The following TUBA3C variants were observed in gnomAD, a reference collection of about 807,000 sequenced individuals.
The protein encoded by TUBA3C is tubulin alpha 3c, also known as tubulin alpha-3C chain.
Under a neutral mutation model 33.4 loss-of-function variants are expected in TUBA3C, and 23 were observed. The observed-to-expected ratio is 0.69, with a 90% CI of 0.50 to 0.98. The LOEUF is 0.98. Ranked by LOEUF, TUBA3C falls within the 50% of genes least tolerant of loss-of-function variation. The probability of loss-of-function intolerance (pLI) is 0.00; values close to 1 mark genes in which losing one functional copy is unlikely to be tolerated. For missense variants in TUBA3C, 402 were observed against 616.0 expected (o/e 0.65, Z 3.68); for synonymous variants, 269 against 250.4 (o/e 1.07, Z -0.70).
intron 4 of TUBA3C, among the ~76,000 whole-genome samples, chr13:19,175,359 C>T (rs919033368): frequency 1.1e-4 from 16 of 152,202 alleles, no homozygotes; most frequent in African/African-American, 3.9e-4. Context: ...AAATCTGTCC[C>T]CACCTTCCAC....
rs199790755 is a variant in TUBA3C at position 19,178,407 on chromosome 13, C to T, written c.227-13G>A. The T allele has an allele frequency of 9.0e-5, 145 of 1,613,840 alleles. No homozygotes were observed. In the Middle Eastern group the frequency reaches 1.8e-3, roughly 20 times the overall value. ...GTGCGCACTTCATCTACAAAAGAGACCGTATGTACTGTGAATCTTTAAGGC... is the reference window on the plus strand; with the variant it reads ...GTGCGCACTTCATCTACAAAAGAGATCGTATGTACTGTGAATCTTTAAGGC... On this transcript the variant is annotated splice_polypyrimidine_tract_variant and intron_variant, in intron 2 of 4. Transcript: ENST00000400113.
rs1869251364 is a variant in TUBA3C at position 19,177,736 on chromosome 13, TAC to T, written c.376-131_376-130del. 1.6e-6 allele frequency: 2 copies of T among 1,228,094 alleles called. No individual in the cohort carries two copies. Among genetic ancestry groups the T allele is most frequent in the Admixed American group, 2.9e-5 (1 of 34,664 alleles). The allele number at this position is 1,228,094 out of a possible 1,614,324, so 76.1% of individuals were successfully genotyped here. The stretch of plus-strand genomic sequence containing the variant: ...CCAATCATCCATAATAAACACGCAG[TAC>T]ACTCTGAAGCAAAGAAAAGCAGACA... On this transcript the variant is annotated intron_variant, in intron 3 of 4. Transcript: ENST00000400113. This position sits in a 1 kb window ranked among gnomAD's most constrained non-coding sequence, Gnocchi z 5.0.
chr13:19,177,672 C>A lies in TUBA3C; in HGVS notation c.376-65G>T. 6.6e-7 allele frequency: 1 copy of A among 1,517,072 alleles called. No homozygotes were observed. 94.0% of individuals were successfully genotyped at this position (1,517,072 alleles called of 1,614,324 possible). The stretch of plus-strand genomic sequence containing the variant: ...GCCACACCACCAACCTCCACCAAGC[C>A]AGGGCCACTTCTCTGCCTCTGAAGA... On this transcript the variant is annotated intron_variant, in intron 3 of 4. Transcript: ENST00000400113. The surrounding 1 kb of genome is among the most constrained non-coding windows in gnomAD (Gnocchi z 5.0).
chr13:19,174,054 A>G lies in TUBA3C; in HGVS notation c.1162T>C (p.Trp388Arg), dbSNP rs1869098244. 2 of 1,613,920 alleles carry G rather than the reference A, an allele frequency of 1.2e-6. No homozygotes were observed. The highest frequency in any genetic ancestry group is 2.7e-5 in the African/African-American group (2 of 75,022). ...TCGAACTTATGGTCCAGGCGAGCCC[A>G]GGCCTCCGCGATGGCCGTGGTGTTG... ...LSNTTAIAEA[W>R]ARLDHKFDLM... Residue 388 changes from tryptophan (W) to arginine (R), a missense_variant, in exon 5 of 5, where the codon TGG (tryptophan) becomes CGG (arginine). Trp to Arg is a moderately radical substitution (Grantham distance 101). Transcript: ENST00000400113.
intron 4 of TUBA3C, among the ~76,000 whole-genome samples, chr13:19,175,297 A>C (rs984393994): frequency 1.3e-5 from 2 of 152,168 alleles, no homozygotes; most frequent in African/African-American, 4.8e-5. Context: ...CAACGTCTTT[A>C]TTTCTTTTCC....
intron 1 of TUBA3C, 143 bp from the exon 2 acceptor site, chr13:19,179,706 TG>T: frequency 8.1e-7 from 1 of 1,231,430 alleles, no homozygotes. Flanking sequence ...GAGGGTTAGG[TG>T]ACTGACCCCT....
intron 4 of TUBA3C, among the ~76,000 whole-genome samples, chr13:19,176,303 C>G (rs201946140): frequency 2.6e-5 from 4 of 151,922 alleles, no homozygotes; most frequent in East Asian, 3.9e-4. Context: ...GTGGTCCCAG[C>G]TACTCAGGAG....
Position 19,174,131 on chromosome 13 carries a change from A to T in TUBA3C, c.1085T>A (p.Val362Glu), listed in dbSNP as rs1869102593. The T allele has an allele frequency of 1.2e-6, 2 of 1,613,062 alleles. No individual in the cohort carries two copies. The highest frequency in any genetic ancestry group is 2.7e-5 in the African/African-American group (2 of 74,914). Reference protein sequence around the residue: ...KVGINYQPPTVVPGGDLAKVQ... With the variant: ...KVGINYQPPTEVPGGDLAKVQ... ...CTTGGCCAGGTCTCCCCCAGGGACC[A>T]CCGTGGGGGGCTGGTAGTTAATGCC... Residue 362 changes from valine (V) to glutamate (E), a missense_variant, in exon 5 of 5, where the codon GTG becomes GAG. Transcript: ENST00000400113.
Position 19,177,707 on chromosome 13 carries a change from G to T in TUBA3C, c.376-100C>A. 9 of 1,415,416 alleles carry T rather than the reference G, an allele frequency of 6.4e-6. No homozygotes were observed. Among genetic ancestry groups the T allele is most frequent in the South Asian group, 2.9e-5 (2 of 69,054 alleles). The allele number at this position is 1,415,416 out of a possible 1,614,324, so 87.7% of individuals were successfully genotyped here. On this transcript the variant is annotated intron_variant, in intron 3 of 4. Coordinates refer to ENST00000400113, the MANE Select transcript of TUBA3C (RefSeq NM_006001.3). This position sits in a 1 kb window ranked among gnomAD's most constrained non-coding sequence, Gnocchi z 5.0. ...TCTCTGCCTCTGAAGACTTGATATG[G>T]ATTCCAATCATCCATAATAAACACG...
chr13:19,180,906 C>T (rs1047398207), intron 1 of TUBA3C, among the ~76,000 whole-genome samples: 3 of 148,390 alleles, frequency 2.0e-5, no homozygotes, highest in African/African-American at 7.4e-5. Context: ...TGCAGGGAGC[C>T]GTGATCGTGC....
chr13:19,177,846 GTTTTTTTTTTT>G lies in TUBA3C; in HGVS notation c.376-250_376-240del, dbSNP rs5802006. 1.2e-3 allele frequency among the ~76,000 whole-genome samples: 155 copies of G among 128,542 alleles called. 1 individual carries two copies. Among genetic ancestry groups the G allele is most frequent in the African/African-American group, 4.0e-3 (138 of 34,928 alleles). 84.3% of individuals were successfully genotyped at this position (128,542 alleles called of 152,430 possible). ...AGGACTCAAGATACTGTTCTAAGTT[GTTTTTTTTTTT>G]TTTTTTTTAGATAGAATCTCACTCT... On this transcript the variant is annotated intron_variant, in intron 3 of 4. Coordinates refer to ENST00000400113, the MANE Select transcript of TUBA3C (RefSeq NM_006001.3). This position sits in a 1 kb window ranked among gnomAD's most constrained non-coding sequence, Gnocchi z 5.0.
rs756332609 is a variant in TUBA3C, at chr13:19,177,452, G to C, written c.531C>G (p.Val177=). The change falls in exon 4 of 5, where the codon GTC becomes GTG. Residue 177 remains valine, a synonymous_variant. Transcript: ENST00000400113. This position sits in a 1 kb window ranked among gnomAD's most constrained non-coding sequence, Gnocchi z 5.0. The part of the protein sequence containing the change: ...LEFAIYPAPQ[V]STAVVEPYNS... ...TGTAGGGCTCCACCACGGCCGTGGAGACCTGGGGGGCTGGGTAAATGGCAA... is the reference window on the plus strand; with the variant it reads ...TGTAGGGCTCCACCACGGCCGTGGACACCTGGGGGGCTGGGTAAATGGCAA... 13 of 1,614,062 alleles carry C rather than the reference G, an allele frequency of 8.1e-6. No homozygotes were observed. Among genetic ancestry groups the C allele is most frequent in the African/African-American group, 1.3e-5 (1 of 74,930 alleles).
chr13:19,175,986 C>T lies in TUBA3C; in HGVS notation c.1056+941G>A, dbSNP rs36216405. Among the ~76,000 whole-genome samples, 848 of 152,282 alleles carry T rather than the reference C, an allele frequency of 5.6e-3. 12 individuals carry two copies. The highest frequency in any genetic ancestry group is 0.02 in the African/African-American group (817 of 41,552). ...GTCAAACTCCTGACCTCAGGTGATC[C>T]GCCTGCCTTGGCCTCCCAAAGTGCT... On this transcript the variant is annotated intron_variant, in intron 4 of 4. Coordinates refer to ENST00000400113, the MANE Select transcript of TUBA3C (RefSeq NM_006001.3).
In TUBA3C at chr13:19,179,603, G is replaced by A. The variant is rs1366686749; in HGVS notation, c.4-40C>T. ...ATAAATGTAGACCCATTCATTTCAA[G>A]GCAACTTGAAGCTATATGGTATGCA... On this transcript the variant is annotated intron_variant, in intron 1 of 4. Coordinates refer to ENST00000400113, the MANE Select transcript of TUBA3C (RefSeq NM_006001.3). 2.5e-6 allele frequency: 4 copies of A among 1,596,786 alleles called. No homozygotes were observed. In the East Asian group the frequency reaches 9.0e-5, roughly 36 times the overall value.
At position 19,177,556 on chromosome 13, in the gene TUBA3C, C is replaced by T. The variant is rs754044360; in HGVS notation, c.427G>A (p.Gly143Ser). The stretch of plus-strand genomic sequence containing the variant: ...GATGCGAACCCAGAGCCAGTGCCAC[C>T]CCCAAAACTGTGGAAGATGAGGAAG... The part of the protein sequence containing the change: ...QGFLIFHSFG[G>S]GTGSGFASLL... Residue 143 changes from glycine to serine, a missense_variant, in exon 4 of 5, where the codon GGT (glycine) becomes AGT (serine). Transcript: ENST00000400113. This position sits in a 1 kb window ranked among gnomAD's most constrained non-coding sequence, Gnocchi z 5.0. 1 of 1,611,388 alleles carries T rather than the reference C, an allele frequency of 6.2e-7. No homozygotes were observed. The highest frequency in any genetic ancestry group is 1.1e-5 in the South Asian group (1 of 90,668).
At position 19,176,987 on chromosome 13, in the gene TUBA3C, G is replaced by T. The variant is rs2297225; in HGVS notation, c.996C>A (p.Ile332=). The T allele has an allele frequency of 5.6e-6, 9 of 1,614,044 alleles. No homozygotes were observed. Among genetic ancestry groups the T allele is most frequent in the Non-Finnish European group, 7.6e-6 (9 of 1,180,002 alleles). ...DVVPKDVNAA[I]ATIKTKRTIQ... is the part of the protein sequence containing the mutation. ...TGGTGCGCTTGGTCTTGATGGTGGC[G>T]ATGGCCGCGTTGACATCTTTCGGGA... The change falls in exon 4 of 5, where the codon ATC becomes ATA. Residue 332 remains isoleucine (I), a synonymous_variant. Transcript: ENST00000400113.
chr13:19,174,051 C>T lies in TUBA3C; in HGVS notation c.1165G>A (p.Ala389Thr). 1 of 1,613,890 alleles carries T rather than the reference C, an allele frequency of 6.2e-7. No individual in the cohort carries two copies. Among genetic ancestry groups the T allele is most frequent in the East Asian group, 2.2e-5 (1 of 44,718 alleles). Residue 389 changes from alanine (A) to threonine (T), a missense_variant, in exon 5 of 5, where the codon GCT (alanine) becomes ACT (threonine). By Grantham distance (58) the Ala-to-Thr change is moderately conservative. Coordinates refer to ENST00000400113, the MANE Select transcript of TUBA3C (RefSeq NM_006001.3). Reference sequence around the variant, plus strand: ...AGATCGAACTTATGGTCCAGGCGAGCCCAGGCCTCCGCGATGGCCGTGGTG... The same window carrying T: ...AGATCGAACTTATGGTCCAGGCGAGTCCAGGCCTCCGCGATGGCCGTGGTG... The part of the protein sequence containing the change: ...SNTTAIAEAW[A>T]RLDHKFDLMY...
At chr13:19,178,848 G>A (rs1479083081) in intron 2 of TUBA3C, among the ~76,000 whole-genome samples, 1 of 152,168 alleles carries the variant, frequency 6.6e-6, no homozygotes, top group Non-Finnish European at 1.5e-5. Context: ...AGGCTTTCAG[G>A]TGACACTGTC....
chr13:19,175,411 A>G (rs1424361649), intron 4 of TUBA3C, among the ~76,000 whole-genome samples: 1 of 152,124 alleles, frequency 6.6e-6, no homozygotes, highest in Non-Finnish European at 1.5e-5. Context: ...AGCTTTATCA[A>G]TAGTTGGTTA....
Sources: gnomAD v4.1 joint callset for allele counts (sites outside exome capture counted in the v4.1 genomes callset) on GRCh38, gnomAD v4.1.1 for gene constraint, Gnocchi (gnomAD v3.1) non-coding constraint, MANE v1.5 for transcripts, NCBI Gene and HGNC (gene_info 2026-07-23, HGNC 2026-07-21) for gene names.